The following MEDAG variants were observed in gnomAD, a reference collection of about 807,000 sequenced individuals.
MEDAG encodes the protein mesenteric estrogen-dependent adipogenesis protein.
In MEDAG, 25 loss-of-function variants were observed where a neutral mutation model predicts 29.9. That is an observed-to-expected ratio of 0.84 (90% CI 0.61 to 1.17). MEDAG has a LOEUF of 1.17. MEDAG is among the 50% of genes most tolerant of loss of function. The pLI, the probability that MEDAG is intolerant of heterozygous loss-of-function variation, is 0.00. For synonymous variants in MEDAG, 158 were observed against 148.2 expected (o/e 1.07, Z -0.48); for missense variants, 398 against 372.9 (o/e 1.07, Z -0.56).
intron 4 of MEDAG, among the ~76,000 whole-genome samples, chr13:30,923,747 T>C (rs1044628474): frequency 6.6e-6 from 1 of 152,198 alleles, no homozygotes; most frequent in Non-Finnish European, 1.5e-5. Context: ...TCCTGTGGGC[T>C]GCCCAGAGTG....
intron 3 of MEDAG, 146 bp from the exon 4 acceptor site, chr13:30,921,415 A>T: frequency 1.1e-6 from 1 of 870,900 alleles, no homozygotes. Context: ...GTTAGAAAAA[A>T]TAAAGACAAC....
rs1226818410 is a variant in MEDAG, at chr13:30,924,303, T to A, written c.788-8T>A. 1 of 1,609,850 alleles carries A rather than the reference T, an allele frequency of 6.2e-7. No individual in the cohort carries two copies. The highest frequency in any genetic ancestry group is 2.2e-5 in the East Asian group (1 of 44,748). Reference sequence around the variant, plus strand: ...GTAATAATGCATGCTTTGTTTACTGTTTTTTAGGTTCAATAGATGATGTTT... The same window carrying A: ...GTAATAATGCATGCTTTGTTTACTGATTTTTAGGTTCAATAGATGATGTTT... On this transcript the variant is annotated splice_region_variant and splice_polypyrimidine_tract_variant and intron_variant, in intron 4 of 4. Transcript: ENST00000380482.
Position 30,925,255 on chromosome 13 carries a change from T to C in MEDAG, c.*820T>C, listed in dbSNP as rs1487587915. On this transcript the variant is annotated 3_prime_UTR_variant, in exon 5 of 5. Coordinates refer to ENST00000380482, the MANE Select transcript of MEDAG (RefSeq NM_032849.4). ...AGCAAACCTAACACTAAAAGCAAAA[T>C]AGAAGAAAGCTATACCATTACCATA... 3.3e-5 allele frequency: 5 copies of C among 152,014 alleles called. No homozygotes were observed. The highest frequency in any genetic ancestry group is 9.7e-5 in the African/African-American group (4 of 41,378). 9.4% of individuals were successfully genotyped at this position (152,014 alleles called of 1,614,324 possible).
intron 1 of MEDAG, among the ~76,000 whole-genome samples, chr13:30,915,603 A>G (rs1359493069): frequency 6.6e-6 from 1 of 151,978 alleles, no homozygotes; most frequent in Admixed American, 6.5e-5. Flanking sequence ...GTCAACTGGG[A>G]TAAAAAAAAG....
intron 1 of MEDAG, among the ~76,000 whole-genome samples, chr13:30,912,094 G>A (rs907314492): frequency 3.9e-5 from 6 of 152,106 alleles, no homozygotes; most frequent in Admixed American, 3.9e-4. Flanking sequence ...ATGCATAAAT[G>A]AATGAATCAT....
intron 1 of MEDAG, among the ~76,000 whole-genome samples, chr13:30,914,162 G>A (rs554238348): frequency 6.6e-6 from 1 of 152,172 alleles, no homozygotes; most frequent in Non-Finnish European, 1.5e-5. Context: ...AAATATCTGT[G>A]CACCTTAACA....
chr13:30,919,562 G>A (rs1952962505), intron 2 of MEDAG, among the ~76,000 whole-genome samples: 1 of 152,188 alleles, frequency 6.6e-6, no homozygotes, highest in African/African-American at 2.4e-5. Context: ...GTCTTAAAGA[G>A]GATATAAGGC....
At chr13:30,922,004 C>T (rs923654997) in intron 4 of MEDAG, 158 bp downstream of exon 4, 25 of 764,092 alleles carry the variant, frequency 3.3e-5, no homozygotes, top group Non-Finnish European at 5.0e-5. Flanking sequence ...ATGTTTATTA[C>T]CAAAAACAAA....
chr13:30,919,979 A>G (rs904140789), intron 2 of MEDAG, among the ~76,000 whole-genome samples: 2 of 152,226 alleles, frequency 1.3e-5, no homozygotes, highest in East Asian at 1.9e-4. Context: ...AACCAAACTA[A>G]TCAATCAACA....
Position 30,912,580 on chromosome 13 carries a change from T to C in MEDAG, c.279-4823T>C, listed in dbSNP as rs373876750. Among the ~76,000 whole-genome samples the C allele has an allele frequency of 2.2e-4, 33 of 152,308 alleles. No individual in the cohort carries two copies. In the East Asian group the frequency reaches 2.7e-3, roughly 12 times the overall value. ...GAAGGATTTGAATTCCTATTTGTCA[T>C]TGAGCAGAAATTGTTAGAGCCAAGG... On this transcript the variant is annotated intron_variant, in intron 1 of 4. Transcript: ENST00000380482.
intron 1 of MEDAG, among the ~76,000 whole-genome samples, chr13:30,912,484 A>T (rs990016528): frequency 5.3e-5 from 8 of 151,516 alleles, no homozygotes; most frequent in Non-Finnish European, 1.2e-4. Context: ...TCTCTGCTCA[A>T]CTGTCCATAT....
intron 4 of MEDAG, among the ~76,000 whole-genome samples, chr13:30,923,831 G>A (rs1196799143): frequency 6.6e-6 from 1 of 152,162 alleles, no homozygotes; most frequent in East Asian, 1.9e-4. Context: ...CTCTAAGCTG[G>A]CTCTGGGGCC....
chr13:30,912,272 G>A (rs1417454865), intron 1 of MEDAG, among the ~76,000 whole-genome samples: 2 of 152,158 alleles, frequency 1.3e-5, no homozygotes, highest in African/African-American at 2.4e-5. Context: ...AAGGCGGAGG[G>A]AAGAAGGGAA....
In MEDAG at chr13:30,906,788, C is replaced by A; in HGVS notation, c.273C>A (p.Ile91=). 1 of 1,489,916 alleles carries A rather than the reference C, an allele frequency of 6.7e-7. No homozygotes were observed. Among genetic ancestry groups the A allele is most frequent in the Admixed American group, 2.2e-5 (1 of 45,108 alleles). The allele number at this position is 1,489,916 out of a possible 1,614,324, so 92.3% of individuals were successfully genotyped here. A position where few individuals can be genotyped will look rare whatever the true frequency, so the allele number is the denominator to read the frequency against. The change falls in exon 1 of 5, where the codon ATC becomes ATA. Residue 91 remains isoleucine, a synonymous_variant. Transcript: ENST00000380482. Reference sequence around the variant, plus strand: ...AGCTCTACCGCCTCAGCAGCTACATCAAGAGGTGGGTGGCCTCGCCGTGCG... The same window carrying A: ...AGCTCTACCGCCTCAGCAGCTACATAAAGAGGTGGGTGGCCTCGCCGTGCG... ...DGQLYRLSSY[I]KRYVELTNYC...
At chr13:30,921,148 C>T (rs369093576) in intron 3 of MEDAG, 22 bp downstream of exon 3, 94 of 1,588,122 alleles carry the variant, frequency 5.9e-5, no homozygotes, top group Non-Finnish European at 9.5e-6. Context: ...CTGTCTGAAT[C>T]CAGGGCTGTC....
At position 30,906,422 on chromosome 13, in the gene MEDAG, A is replaced by T; in HGVS notation, c.-94A>T. ...CACCTCGCGCGCGGCTGACGCAGGCAGGGCGCCCGGCCCCTCCTGGGGACC... is the reference window on the plus strand; with the variant it reads ...CACCTCGCGCGCGGCTGACGCAGGCTGGGCGCCCGGCCCCTCCTGGGGACC... On this transcript the variant is annotated 5_prime_UTR_variant, in exon 1 of 5. Transcript: ENST00000380482. 2 of 1,293,610 alleles carry T rather than the reference A, an allele frequency of 1.5e-6. No homozygotes were observed. Among genetic ancestry groups the T allele is most frequent in the Non-Finnish European group, 2.0e-6 (2 of 1,003,188 alleles). 80.1% of individuals were successfully genotyped at this position (1,293,610 alleles called of 1,614,324 possible). A position where few individuals can be genotyped will look rare whatever the true frequency, so the allele number is the denominator to read the frequency against.
chr13:30,911,212 C>T (rs1472640645), intron 1 of MEDAG, among the ~76,000 whole-genome samples: 1 of 152,166 alleles, frequency 6.6e-6, no homozygotes, highest in Non-Finnish European at 1.5e-5. Context: ...CTCTTAGCCA[C>T]TCATGGGGTG....
At chr13:30,923,213 G>A (rs1953005743) in intron 4 of MEDAG, among the ~76,000 whole-genome samples, 1 of 152,106 alleles carries the variant, frequency 6.6e-6, no homozygotes, top group African/African-American at 2.4e-5. Flanking sequence ...GAGCCACCAC[G>A]CCTGGCCACA....
In MEDAG at chr13:30,924,885, C is replaced by G. The variant is rs1281067919; in HGVS notation, c.*450C>G. ...TGCTTGGAGCATCCAACCCCTTGAACTCAAACCTGTCGAGCAAGGGGTTAA... is the reference window on the plus strand; with the variant it reads ...TGCTTGGAGCATCCAACCCCTTGAAGTCAAACCTGTCGAGCAAGGGGTTAA... On this transcript the variant is annotated 3_prime_UTR_variant, in exon 5 of 5. Transcript: ENST00000380482. 1 of 153,112 alleles carries G rather than the reference C, an allele frequency of 6.5e-6. No homozygotes were observed. Among genetic ancestry groups the G allele is most frequent in the Non-Finnish European group, 1.5e-5 (1 of 68,720 alleles). 9.5% of individuals were successfully genotyped at this position (153,112 alleles called of 1,614,324 possible).
Sources: gnomAD v4.1 joint callset for allele counts (sites outside exome capture counted in the v4.1 genomes callset) on GRCh38, gnomAD v4.1.1 for gene constraint, MANE v1.5 for transcripts, NCBI Gene and HGNC (gene_info 2026-07-23, HGNC 2026-07-21) for gene names.